The following CSRP2 variants were observed in gnomAD, a reference collection of about 807,000 sequenced individuals.
CSRP2 encodes the protein cysteine and glycine-rich protein 2.
CSRP2 carries 18 observed loss-of-function variants against 24.6 expected under a neutral mutation model. The ratio of observed to expected loss-of-function variants is 0.73; its 90% confidence interval spans 0.51 to 1.09. The LOEUF (loss-of-function observed/expected upper bound fraction) is 1.09, where lower values mean the gene tolerates loss of function less well. Among genes scored for constraint, CSRP2 ranks in the 50% least tolerant of loss-of-function variants. CSRP2 has a pLI of 0.00. For missense variants in CSRP2, 215 were observed against 239.4 expected (o/e 0.90, Z 0.67); for synonymous variants, 87 against 84.3 (o/e 1.03, Z -0.18).
intron 1 of CSRP2, among the ~76,000 whole-genome samples, chr12:76,869,423 C>T (rs1053869508): frequency 1.3e-5 from 2 of 152,266 alleles, no homozygotes; most frequent in East Asian, 1.9e-4. Flanking sequence ...GACTCAGTCA[C>T]GGCCAATCAA....
chr12:76,877,100 C>T (rs1053677408), intron 1 of CSRP2, among the ~76,000 whole-genome samples: 3 of 152,220 alleles, frequency 2.0e-5, no homozygotes, highest in African/African-American at 4.8e-5. Context: ...AGGGGGCTCC[C>T]TTTTGGGGTT....
chr12:76,859,789 C>A (rs1953657383), intron 4 of CSRP2, 149 bp from the exon 5 acceptor site: 11 of 607,744 alleles, frequency 1.8e-5, no homozygotes, highest in Admixed American at 5.9e-5. Flanking sequence ...TGAAACCAGT[C>A]CTCAGTATCT....
At chr12:76,863,596 C>G (rs1408308099) in intron 2 of CSRP2, 2 of 370,580 alleles carry the variant, frequency 5.4e-6, no homozygotes, top group Non-Finnish European at 9.6e-6. Flanking sequence ...CCAGAAGCCT[C>G]AAGCTTTATT....
intron 1 of CSRP2, among the ~76,000 whole-genome samples, chr12:76,873,896 C>T (rs1404039644): frequency 6.6e-6 from 1 of 152,146 alleles, no homozygotes; most frequent in Non-Finnish European, 1.5e-5. Flanking sequence ...GTAGAGGCAG[C>T]TTATAAGCAC....
chr12:76,863,135 G>T, intron 3 of CSRP2, 41 bp downstream of exon 3: 2 of 1,576,022 alleles, frequency 1.3e-6, no homozygotes, highest in Middle Eastern at 3.5e-4. Context: ...ACTAACTGTC[G>T]CAACTCATTT....
At chr12:76,861,308 G>A (rs1443551702) in intron 3 of CSRP2, 1 of 150,614 alleles carries the variant, frequency 6.6e-6, no homozygotes, top group Admixed American at 6.6e-5. Context: ...CTTGAACTCA[G>A]GAGTTCGAGG....
At chr12:76,862,569 G>A in intron 3 of CSRP2, 2 of 389,988 alleles carry the variant, frequency 5.1e-6, no homozygotes, top group East Asian at 5.0e-5. Context: ...TGTGTGGGGG[G>A]AATTCTAAAC....
At chr12:76,871,389 T>C (rs1012807141) in intron 1 of CSRP2, among the ~76,000 whole-genome samples, 10 of 152,200 alleles carry the variant, frequency 6.6e-5, no homozygotes, top group East Asian at 5.8e-4. Flanking sequence ...ACTGAGCTGA[T>C]TGGTCACTAT....
intron 1 of CSRP2, among the ~76,000 whole-genome samples, chr12:76,874,588 G>T (rs1004803239): frequency 6.6e-5 from 10 of 152,170 alleles, no homozygotes; most frequent in African/African-American, 2.4e-4. Flanking sequence ...AGTTCAGTCC[G>T]TTAGGTCAAG....
chr12:76,878,701 G>T (rs1164753639), intron 1 of CSRP2, among the ~76,000 whole-genome samples: 1 of 152,246 alleles, frequency 6.6e-6, no homozygotes, highest in Non-Finnish European at 1.5e-5. Flanking sequence ...CCAGGGCATG[G>T]CCTGGACGGC....
At chr12:76,860,085 T>C (rs893076861) in intron 4 of CSRP2, among the ~76,000 whole-genome samples, 199 bp downstream of exon 4, 9 of 152,200 alleles carry the variant, frequency 5.9e-5, no homozygotes, top group Non-Finnish European at 1.2e-4. Flanking sequence ...ACAAGTTCTT[T>C]TAAACAGAAA....
At chr12:76,868,937 G>GAA (rs980686297) in intron 1 of CSRP2, among the ~76,000 whole-genome samples, 56 of 61,268 alleles carry the variant, frequency 9.1e-4, no homozygotes, top group African/African-American at 2.2e-3. Context: ...CGCCTCAAAA[G>GAA]AAAAAAAAAA....
chr12:76,860,424 G>C lies in CSRP2; in HGVS notation c.282-11C>G. 6.4e-7 allele frequency: 1 copy of C among 1,552,544 alleles called. No individual in the cohort carries two copies. The highest frequency in any genetic ancestry group is 8.7e-7 in the Non-Finnish European group (1 of 1,152,304). The stretch of plus-strand genomic sequence containing the variant: ...CTGTGAGGCTGAACACTTGTGAAAA[G>C]AGGAAAAAAAAAGTAGGCAAGAGTT... On this transcript the variant is annotated splice_polypyrimidine_tract_variant and intron_variant, in intron 3 of 5. Transcript: ENST00000311083.
chr12:76,868,120 G>A (rs1953753453), intron 1 of CSRP2, among the ~76,000 whole-genome samples: 1 of 152,180 alleles, frequency 6.6e-6, no homozygotes, highest in Non-Finnish European at 1.5e-5. Context: ...TGATGGATGG[G>A]CCACTATTCT....
chr12:76,871,170 A>C (rs1592512760), intron 1 of CSRP2, among the ~76,000 whole-genome samples: 1 of 152,032 alleles, frequency 6.6e-6, no homozygotes, highest in Non-Finnish European at 1.5e-5. Flanking sequence ...TCAAGCTAAA[A>C]ATGGGGATAG....
chr12:76,868,849 C>T lies in CSRP2; in HGVS notation c.-1-2588G>A, dbSNP rs1437125725. Among the ~76,000 whole-genome samples, 5 of 150,914 alleles carry T rather than the reference C, an allele frequency of 3.3e-5. No homozygotes were observed. The South Asian group carries it at 8.3e-4, about 25-fold the overall frequency. On this transcript the variant is annotated intron_variant, in intron 1 of 5. Transcript: ENST00000311083. ...TCAGGAGGCTGAGGCAGGAGAATAG[C>T]GTGAACCCGGGAGGCGGAGCTTGCA...
At chr12:76,870,662 A>G (rs1352393782) in intron 1 of CSRP2, among the ~76,000 whole-genome samples, 1 of 152,188 alleles carries the variant, frequency 6.6e-6, no homozygotes, top group African/African-American at 2.4e-5. Context: ...TGATGTAACA[A>G]AAGAACATTG....
chr12:76,863,449 C>T, intron 2 of CSRP2, 105 bp from the exon 3 acceptor site: 1 of 1,149,952 alleles, frequency 8.7e-7, no homozygotes, highest in East Asian at 2.5e-5. Context: ...GGCTGAGGCT[C>T]CCTCACATTC....
intron 2 of CSRP2, chr12:76,864,506 G>T (rs1275300674): frequency 1.3e-5 from 2 of 152,114 alleles, no homozygotes; most frequent in Non-Finnish European, 2.9e-5. Context: ...AATAATAAAT[G>T]CTTGAGGTAA....
Sources: gnomAD v4.1 joint callset for allele counts (sites outside exome capture counted in the v4.1 genomes callset) on GRCh38, gnomAD v4.1.1 for gene constraint, MANE v1.5 for transcripts, NCBI Gene and HGNC (gene_info 2026-07-23, HGNC 2026-07-21) for gene names.